Variants in SDK1 observed in about 807,000 individuals in gnomAD.
SDK1 encodes the protein protein sidekick-1.
In SDK1, 157 loss-of-function variants were observed where a neutral mutation model predicts 245.5. The observed-to-expected ratio is 0.64, with a 90% CI of 0.56 to 0.73. The LOEUF (loss-of-function observed/expected upper bound fraction) is 0.73. Among genes scored for constraint, SDK1 ranks in the 30% least tolerant of loss-of-function variants. The pLI is 0.00. For synonymous variants in SDK1, 1,647 were observed against 1,278.5 expected (o/e 1.29, Z -6.15); for missense variants, 3,583 against 3,002.3 (o/e 1.19, Z -4.52).
At chr7:3,637,965 G>T (rs930565380) in intron 2 of SDK1, among the ~76,000 whole-genome samples, 2 of 152,242 alleles carry the variant, frequency 1.3e-5, no homozygotes, top group Non-Finnish European at 1.5e-5. Flanking sequence ...ACAAGACATC[G>T]TGTTAAGACT....
intron 25 of SDK1, among the ~76,000 whole-genome samples, chr7:4,119,481 A>T (rs894197626): frequency 1.3e-5 from 2 of 148,338 alleles, no homozygotes; most frequent in Admixed American, 6.7e-5. Context: ...AATGGCTCAT[A>T]GATTGTACAC....
chr7:3,364,236 T>A (rs929588447), intron 1 of SDK1, among the ~76,000 whole-genome samples: 3 of 152,238 alleles, frequency 2.0e-5, no homozygotes, highest in Non-Finnish European at 4.4e-5. Flanking sequence ...CTGTAGACTC[T>A]ATTTCCATTC....
intron 1 of SDK1, among the ~76,000 whole-genome samples, chr7:3,363,598 G>A (rs1288729679): frequency 6.6e-6 from 1 of 152,150 alleles, no homozygotes; most frequent in Admixed American, 6.5e-5. Context: ...GACCAAGGGT[G>A]GGAGGTGGTG....
At chr7:4,087,473 A>G (rs1184648398) in intron 22 of SDK1, among the ~76,000 whole-genome samples, 1 of 115,872 alleles carries the variant, frequency 8.6e-6, no homozygotes, top group African/African-American at 4.6e-5. Context: ...ACAGACACAC[A>G]CGCGCGCACA....
chr7:3,757,863 A>T (rs890023965), intron 4 of SDK1, among the ~76,000 whole-genome samples: 2 of 152,108 alleles, frequency 1.3e-5, no homozygotes, highest in African/African-American at 4.8e-5. Context: ...CCAAGTTTCT[A>T]ATCAAGGCTT....
At chr7:4,161,658 G>C in intron 31 of SDK1, 128 bp from the exon 32 acceptor site, 1 of 729,756 alleles carries the variant, frequency 1.4e-6, no homozygotes, top group Middle Eastern at 3.7e-4. Context: ...GGCAGGAGAA[G>C]GGGACCCCTG....
intron 18 of SDK1, among the ~76,000 whole-genome samples, chr7:4,050,431 C>A (rs1476932527): frequency 2.0e-5 from 3 of 152,182 alleles, no homozygotes; most frequent in Non-Finnish European, 4.4e-5. Context: ...CCTCTCCTGT[C>A]GAGTCTCGTT....
intron 1 of SDK1, among the ~76,000 whole-genome samples, chr7:3,452,681 C>T (rs923560830): frequency 3.3e-5 from 5 of 152,084 alleles, no homozygotes; most frequent in African/African-American, 1.2e-4. Context: ...GTCCTATGTA[C>T]GGTGACATTT....
intron 5 of SDK1, among the ~76,000 whole-genome samples, chr7:3,887,733 T>A (rs1422290321): frequency 6.6e-6 from 1 of 152,168 alleles, no homozygotes; most frequent in Non-Finnish European, 1.5e-5. Context: ...CTTTTCTACC[T>A]CTCCAAGTGG....
At chr7:3,868,880 C>T (rs925759116) in intron 5 of SDK1, among the ~76,000 whole-genome samples, 4 of 152,160 alleles carry the variant, frequency 2.6e-5, no homozygotes, top group African/African-American at 4.8e-5. Context: ...CTTTTGTTAC[C>T]TAATATTCTG....
At chr7:4,225,907 C>G (rs1785417495) in intron 40 of SDK1, among the ~76,000 whole-genome samples, 1 of 151,934 alleles carries the variant, frequency 6.6e-6, no homozygotes, top group African/African-American at 2.4e-5. Context: ...CGCCAACGAT[C>G]TCCCCTTTCG....
intron 4 of SDK1, among the ~76,000 whole-genome samples, chr7:3,667,181 A>G (rs961750037): frequency 4.6e-5 from 7 of 152,236 alleles, no homozygotes; most frequent in Admixed American, 6.5e-5. Flanking sequence ...GCTAATTTTC[A>G]TTTGAGAAAT....
chr7:3,781,738 A>C (rs941299004), intron 4 of SDK1, among the ~76,000 whole-genome samples: 4 of 152,196 alleles, frequency 2.6e-5, no homozygotes, highest in Non-Finnish European at 4.4e-5. Flanking sequence ...ATAAAAAAAA[A>C]CAAATCTTAG....
At chr7:3,347,156 C>T (rs980564967) in intron 1 of SDK1, among the ~76,000 whole-genome samples, 9 of 151,714 alleles carry the variant, frequency 5.9e-5, no homozygotes, top group African/African-American at 1.7e-4. Context: ...AGACGTTAGC[C>T]GGTTAAGTGG....
intron 1 of SDK1, among the ~76,000 whole-genome samples, chr7:3,538,151 T>C (rs1778943411): frequency 1.3e-5 from 2 of 152,138 alleles, no homozygotes; most frequent in Admixed American, 6.5e-5. Flanking sequence ...CAGGATGTCA[T>C]GGGTGGGTAG....
At chr7:3,599,185 T>C (rs767252969) in intron 1 of SDK1, among the ~76,000 whole-genome samples, 1 of 151,180 alleles carries the variant, frequency 6.6e-6, no homozygotes, top group Non-Finnish European at 1.5e-5. Context: ...TGCAGTGATA[T>C]CTCATGGTGG....
At chr7:3,338,310 A>G (rs544738159) in intron 1 of SDK1, 38 of 486,552 alleles carry the variant, frequency 7.8e-5, no homozygotes, top group African/African-American at 6.5e-4. Context: ...CAAAACTGCA[A>G]GAGTCTACGA....
intron 1 of SDK1, among the ~76,000 whole-genome samples, chr7:3,461,135 C>T (rs1780819101): frequency 6.6e-6 from 1 of 152,128 alleles, no homozygotes. Flanking sequence ...ATTAGGAGAG[C>T]AATCTAGCAA....
chr7:4,175,411 G>T (rs1195407024), intron 33 of SDK1, among the ~76,000 whole-genome samples: 1 of 152,236 alleles, frequency 6.6e-6, no homozygotes, highest in East Asian at 1.9e-4. Flanking sequence ...TCCAGCCGGG[G>T]CTCCCTGCGT....
Sources: allele counts gnomAD v4.1 joint callset (sites outside exome capture counted in the v4.1 genomes callset), GRCh38; gene constraint gnomAD v4.1.1; transcripts MANE v1.5; gene names NCBI Gene and HGNC (gene_info 2026-07-23, HGNC 2026-07-21).